The following CDK15 variants were observed in gnomAD, a reference collection of about 807,000 sequenced individuals.
The protein encoded by CDK15 is cyclin dependent kinase 15.
CDK15 carries 62 observed loss-of-function variants against 60.3 expected under a neutral mutation model. The ratio of observed to expected loss-of-function variants is 1.03; its 90% confidence interval spans 0.84 to 1.27. The LOEUF (loss-of-function observed/expected upper bound fraction) is 1.27, where lower values mean the gene tolerates loss of function less well. CDK15 is among the 50% of genes most tolerant of loss of function. The pLI is 0.00. For synonymous variants in CDK15, 194 were observed against 195.7 expected (o/e 0.99, Z 0.07); for missense variants, 541 against 527.8 (o/e 1.03, Z -0.25).
chr2:201,864,173 A>G (rs1298553608), intron 10 of CDK15, among the ~76,000 whole-genome samples: 1 of 152,206 alleles, frequency 6.6e-6, no homozygotes, highest in Non-Finnish European at 1.5e-5. Flanking sequence ...TGTGGGAAGT[A>G]TACTACAGCA....
At chr2:201,830,282 A>G (rs12693951) in intron 6 of CDK15, among the ~76,000 whole-genome samples, 139,173 of 152,142 alleles carry the variant, frequency 0.91, 64,112 homozygotes, top group East Asian at 1. Flanking sequence ...TAGAACCTAT[A>G]AAAAGAACAG....
chr2:201,866,426 A>G (rs1361043858), intron 10 of CDK15, among the ~76,000 whole-genome samples: 1 of 152,178 alleles, frequency 6.6e-6, no homozygotes, highest in Non-Finnish European at 1.5e-5. Flanking sequence ...GGTTTTTACT[A>G]TGGTAGCAAC....
At chr2:201,891,234 AG>A (rs1699630134) in intron 13 of CDK15, among the ~76,000 whole-genome samples, 1 of 152,166 alleles carries the variant, frequency 6.6e-6, no homozygotes, top group Admixed American at 6.5e-5. Context: ...AGGGAGGCAG[AG>A]GTTGCAGTGA....
At chr2:201,861,565 CTT>C (rs869051401) in intron 10 of CDK15, 8,522 of 693,172 alleles carry the variant, frequency 0.012, no homozygotes, top group South Asian at 0.014. Flanking sequence ...TTTTTTTTTT[CTT>C]TTTTTTTTTT....
chr2:201,812,435 C>A, intron 3 of CDK15, 48 bp from the exon 4 acceptor site: 1 of 1,335,206 alleles, frequency 7.5e-7, no homozygotes, highest in South Asian at 1.2e-5. Flanking sequence ...TAAATTGCTG[C>A]TTTGAACCAC....
intron 10 of CDK15, among the ~76,000 whole-genome samples, chr2:201,857,757 C>G (rs1301815323): frequency 6.6e-6 from 1 of 152,180 alleles, no homozygotes; most frequent in African/African-American, 2.4e-5. Flanking sequence ...ATCCCAAGGA[C>G]TGTGTTTTAA....
intron 12 of CDK15, among the ~76,000 whole-genome samples, chr2:201,890,079 G>A (rs890799477): frequency 1.3e-5 from 2 of 149,752 alleles, no homozygotes; most frequent in African/African-American, 4.9e-5. Context: ...AAAAAAGATT[G>A]CCTAATGTAT....
intron 9 of CDK15, among the ~76,000 whole-genome samples, chr2:201,853,764 G>A (rs934073781): frequency 5.3e-5 from 8 of 151,508 alleles, no homozygotes; most frequent in East Asian, 1.9e-4. Context: ...AATGCCTACC[G>A]GGGAACTCAT....
intron 6 of CDK15, among the ~76,000 whole-genome samples, chr2:201,829,471 G>A (rs1340642592): frequency 6.6e-6 from 1 of 152,180 alleles, no homozygotes; most frequent in Non-Finnish European, 1.5e-5. Context: ...TATTAAAATG[G>A]ATGATGGTGC....
intron 10 of CDK15, among the ~76,000 whole-genome samples, chr2:201,871,164 T>C (rs187240380): frequency 5.5e-4 from 83 of 152,246 alleles, no homozygotes; most frequent in African/African-American, 1.9e-3. Flanking sequence ...TTATTTTTAT[T>C]TATTTATTTT....
At chr2:201,849,047 T>C (rs1003370487) in intron 9 of CDK15, among the ~76,000 whole-genome samples, 10 of 152,200 alleles carry the variant, frequency 6.6e-5, no homozygotes, top group African/African-American at 2.4e-4. Flanking sequence ...CAGCCTACTG[T>C]CATAGCTTTG....
chr2:201,823,891 T>A (rs1031564275), intron 6 of CDK15, among the ~76,000 whole-genome samples, 164 bp downstream of exon 6: 31 of 152,060 alleles, frequency 2.0e-4, no homozygotes, highest in African/African-American at 4.3e-4. Context: ...TGTTTTTTTT[T>A]AAAAAGGAAA....
In CDK15 at chr2:201,833,748, C is replaced by T. The variant is rs1203970378; in HGVS notation, c.607-100C>T. ...TTTTTTTTTTTGGTCTCTCAAGAGA[C>T]ACTTTTACTATATTCTTTGAGATGA... On this transcript the variant is annotated intron_variant, in intron 6 of 13. Coordinates refer to ENST00000652192, the MANE Select transcript of CDK15 (RefSeq NM_001366386.2). 8 of 755,002 alleles carry T rather than the reference C, an allele frequency of 1.1e-5. No homozygotes were observed. In the African/African-American group the frequency reaches 1.4e-4, roughly 13 times the overall value. 46.8% of individuals were successfully genotyped at this position (755,002 alleles called of 1,614,324 possible).
chr2:201,865,759 G>A (rs1428092334), intron 10 of CDK15, among the ~76,000 whole-genome samples: 1 of 151,984 alleles, frequency 6.6e-6, no homozygotes. Context: ...GTGTGGTGGT[G>A]TGTGCCTATA....
intron 6 of CDK15, among the ~76,000 whole-genome samples, chr2:201,830,337 A>C (rs1020465796): frequency 7.2e-5 from 11 of 152,240 alleles, no homozygotes; most frequent in African/African-American, 2.7e-4. Flanking sequence ...AACCAAAAGA[A>C]GAGAGTGCCT....
chr2:201,878,748 C>T (rs1699170824), intron 11 of CDK15, among the ~76,000 whole-genome samples: 1 of 152,194 alleles, frequency 6.6e-6, no homozygotes, highest in Non-Finnish European at 1.5e-5. Context: ...GTGCCAGCAG[C>T]TTAGGTGTTG....
intron 12 of CDK15, among the ~76,000 whole-genome samples, chr2:201,881,510 T>C (rs914885509): frequency 3.3e-5 from 5 of 152,104 alleles, no homozygotes; most frequent in Admixed American, 3.3e-4. Context: ...CGCACACATA[T>C]CAGCACACAT....
Position 201,888,435 on chromosome 2 carries a change from C to T in CDK15, c.1199-2350C>T, listed in dbSNP as rs1335497504. 14 of 1,531,666 alleles carry T rather than the reference C, an allele frequency of 9.1e-6. No homozygotes were observed. In the African/African-American group the frequency reaches 9.6e-5, roughly 11 times the overall value. The allele number at this position is 1,531,666 out of a possible 1,614,324, so 94.9% of individuals were successfully genotyped here. A position where few individuals can be genotyped will look rare whatever the true frequency, so the allele number is the denominator to read the frequency against. ...CCTTCTCAAAAAATTTTTAAACACC[C>T]GCTTTCATATTTATTTATTCTAAGA... On this transcript the variant is annotated intron_variant, in intron 12 of 13. Coordinates refer to ENST00000652192, the MANE Select transcript of CDK15 (RefSeq NM_001366386.2).
intron 9 of CDK15, among the ~76,000 whole-genome samples, chr2:201,852,748 T>C (rs1239597564): frequency 6.6e-6 from 1 of 152,194 alleles, no homozygotes; most frequent in Non-Finnish European, 1.5e-5. Context: ...GATTTAGTAA[T>C]TTTCTCAAGT....
Sources: allele counts gnomAD v4.1 joint callset (sites outside exome capture counted in the v4.1 genomes callset), GRCh38; gene constraint gnomAD v4.1.1; transcripts MANE v1.5; gene names NCBI Gene and HGNC (gene_info 2026-07-23, HGNC 2026-07-21).